ST3GAL3: variants seen among roughly 807,000 people sequenced by gnomAD.
ST3GAL3 encodes CMP-N-acetylneuraminate-beta-1,4-galactoside alpha-2,3-sialyltransferase.
A neutral mutation model predicts 50.1 loss-of-function variants in ST3GAL3; 21 were observed. The ratio of observed to expected loss-of-function variants is 0.42; its 90% CI spans 0.30 to 0.60. The LOEUF (loss-of-function observed/expected upper bound fraction) is 0.60. ST3GAL3 is among the 20% of genes least tolerant of loss of function. The pLI is 0.19. For missense variants in ST3GAL3, 353 were observed against 489.4 expected (o/e 0.72, Z 2.63); for synonymous variants, 183 against 190.0 (o/e 0.96, Z 0.30).
intron 4 of ST3GAL3, among the ~76,000 whole-genome samples, chr1:43,831,009 G>A (rs1050934920): frequency 6.6e-6 from 1 of 152,200 alleles, no homozygotes; most frequent in African/African-American, 2.4e-5. Flanking sequence ...AGGGCACTGT[G>A]ACCCACATTG....
chr1:43,796,245 A>G (rs985440763), intron 3 of ST3GAL3, among the ~76,000 whole-genome samples: 4 of 152,238 alleles, frequency 2.6e-5, no homozygotes, highest in Non-Finnish European at 5.9e-5. Context: ...ATTTGAGTGC[A>G]GTTCAGAAAA....
intron 1 of ST3GAL3, chr1:43,716,341 T>C (rs1667372750): frequency 6.6e-6 from 1 of 152,186 alleles, no homozygotes; most frequent in Non-Finnish European, 1.5e-5. Flanking sequence ...GCTCTTTAAG[T>C]TCTAGAACTC....
intron 2 of ST3GAL3, among the ~76,000 whole-genome samples, chr1:43,791,420 A>AC (rs2058066002): frequency 9.9e-6 from 1 of 101,050 alleles, no homozygotes; most frequent in African/African-American, 5.3e-5. Flanking sequence ...TGGACATTTG[A>AC]TTGAATGAAT....
At chr1:43,763,565 T>C (rs1691370142) in intron 2 of ST3GAL3, among the ~76,000 whole-genome samples, 1 of 152,208 alleles carries the variant, frequency 6.6e-6, no homozygotes, top group East Asian at 1.9e-4. Flanking sequence ...AGTGCCTTTA[T>C]ATGGTGTTTC....
At chr1:43,770,635 TC>T (rs1694793571) in intron 2 of ST3GAL3, among the ~76,000 whole-genome samples, 1 of 152,104 alleles carries the variant, frequency 6.6e-6, no homozygotes, top group Admixed American at 6.6e-5. Context: ...GCTCAAGCGT[TC>T]CTTCAGCCTC....
intron 9 of ST3GAL3, chr1:43,912,856 A>G (rs1161491247): frequency 6.6e-6 from 1 of 152,302 alleles, no homozygotes; most frequent in African/African-American, 2.4e-5. Context: ...TGACTGAGGC[A>G]GGGACATTCC....
intron 6 of ST3GAL3, among the ~76,000 whole-genome samples, chr1:43,895,770 TCCCTGGGTGCA>T (rs1373301680): frequency 6.6e-6 from 1 of 152,164 alleles, no homozygotes; most frequent in African/African-American, 2.4e-5. Flanking sequence ...GAACCCCTTT[TCCCTGGGTGCA>T]GGCAGCCAAG....
At chr1:43,766,254 A>G (rs989164648) in intron 2 of ST3GAL3, among the ~76,000 whole-genome samples, 2 of 152,102 alleles carry the variant, frequency 1.3e-5, no homozygotes, top group Non-Finnish European at 2.9e-5. Context: ...ACAGCTTGTT[A>G]CTTACTCAGC....
intron 1 of ST3GAL3, among the ~76,000 whole-genome samples, chr1:43,717,660 G>C (rs149154673): frequency 6.6e-5 from 10 of 151,578 alleles, no homozygotes; most frequent in African/African-American, 2.4e-4. Context: ...ACCATGCCCC[G>C]GTAATTTTTT....
intron 5 of ST3GAL3, among the ~76,000 whole-genome samples, chr1:43,853,089 C>T (rs1361122781): frequency 6.6e-6 from 1 of 152,196 alleles, no homozygotes; most frequent in Non-Finnish European, 1.5e-5. Flanking sequence ...TATTTTGCCT[C>T]ATACATTTGA....
intron 5 of ST3GAL3, chr1:43,841,377 A>T (rs2065348248): frequency 6.6e-6 from 1 of 152,256 alleles, no homozygotes. Flanking sequence ...TGGGAAGCCA[A>T]GCTTTTCCAT....
chr1:43,722,589 T>C (rs1671010875), intron 1 of ST3GAL3, among the ~76,000 whole-genome samples: 4 of 152,150 alleles, frequency 2.6e-5, no homozygotes, highest in Admixed American at 2.6e-4. Flanking sequence ...CAAAAGGTTA[T>C]GGTGACTTGA....
chr1:43,772,481 T>G (rs1018289017), intron 2 of ST3GAL3: 6 of 153,978 alleles, frequency 3.9e-5, no homozygotes, highest in African/African-American at 1.4e-4. Flanking sequence ...TCTCTCCAGC[T>G]ACACGCTTGG....
intron 5 of ST3GAL3, chr1:43,894,089 A>G (rs755502472): frequency 9.3e-5 from 41 of 442,428 alleles, no homozygotes; most frequent in Admixed American, 9.3e-4. Flanking sequence ...ACAACCTTCC[A>G]GAGAGCTTCC....
At chr1:43,714,863 G>A (rs1666591067) in intron 1 of ST3GAL3, among the ~76,000 whole-genome samples, 1 of 152,006 alleles carries the variant, frequency 6.6e-6, no homozygotes, top group African/African-American at 2.4e-5. Context: ...TTTTCCATTA[G>A]ATTCTTTATA....
At chr1:43,906,539 T>C (rs1254860845) in intron 9 of ST3GAL3, among the ~76,000 whole-genome samples, 2 of 136,496 alleles carry the variant, frequency 1.5e-5, no homozygotes, top group Non-Finnish European at 3.1e-5. Flanking sequence ...TTCCTGCCAC[T>C]CTTCCTCCTG....
intron 2 of ST3GAL3, among the ~76,000 whole-genome samples, chr1:43,769,393 C>T (rs564117856): frequency 7.7e-4 from 117 of 152,236 alleles, no homozygotes; most frequent in African/African-American, 2.7e-3. Context: ...AGCTGAATGC[C>T]TAGCCTGGTG....
rs1355991241 is a variant in ST3GAL3, at chr1:43,714,212, C to T, written c.-31+6519C>T. ...CCGGGAGGCGGAGGTTGCAGTGAGC[C>T]GAGATCGTGCCACTGCACTCCAGCC... is the stretch of plus-strand genomic sequence containing the variant. On this transcript the variant is annotated intron_variant, in intron 1 of 11. Coordinates refer to ENST00000347631, the MANE Select transcript of ST3GAL3 (RefSeq NM_006279.5). 5.0e-4 allele frequency among the ~76,000 whole-genome samples: 75 copies of T among 149,088 alleles called. 1 individual carries two copies. Among genetic ancestry groups the T allele is most frequent in the African/African-American group, 1.6e-3 (66 of 40,390 alleles).
At chr1:43,734,327 CAG>C (rs1677388619) in intron 1 of ST3GAL3, among the ~76,000 whole-genome samples, 12 of 80,838 alleles carry the variant, frequency 1.5e-4, no homozygotes, top group East Asian at 5.7e-4. Flanking sequence ...TTTTTTGAGA[CAG>C]GGTCTTGCTC....
Sources: gnomAD v4.1 joint callset for allele counts (sites outside exome capture counted in the v4.1 genomes callset) on GRCh38, gnomAD v4.1.1 for gene constraint, MANE v1.5 for transcripts, NCBI Gene and HGNC (gene_info 2026-07-23, HGNC 2026-07-21) for gene names.